LYPLAL1: variants seen among roughly 807,000 people sequenced by gnomAD.
The protein encoded by LYPLAL1 is lysophospholipase-like protein 1.
A neutral mutation model predicts 19.7 loss-of-function variants in LYPLAL1; 23 were observed. The observed-to-expected ratio is 1.17, with a 90% CI of 0.84 to 1.65. The LOEUF (loss-of-function observed/expected upper bound fraction) is 1.65, where lower values mean the gene tolerates loss of function less well. Ranked by LOEUF, LYPLAL1 falls within the 40% of genes most tolerant of loss-of-function variation. The pLI, the probability that LYPLAL1 is intolerant of heterozygous loss-of-function variation, is 0.00. For missense variants in LYPLAL1, 355 were observed against 279.4 expected, an observed-to-expected ratio of 1.27 and a Z score of -1.93; for synonymous variants, 119 against 96.3, an observed-to-expected ratio of 1.24 and a Z score of -1.38.
the LYPLAL1 span, among the ~76,000 whole-genome samples, chr1:219,230,974 T>A: frequency 6.6e-6 from 1 of 152,218 alleles, no homozygotes; most frequent in Non-Finnish European, 1.5e-5. Flanking sequence ...AAGTCATTTT[T>A]AGAGACTCTC....
intron 1 of LYPLAL1, among the ~76,000 whole-genome samples, chr1:219,174,481 C>T (rs1486825784): frequency 6.6e-6 from 1 of 152,160 alleles, no homozygotes; most frequent in Non-Finnish European, 1.5e-5. Flanking sequence ...GCCACTGTGC[C>T]ATGGCTGGAG....
the LYPLAL1 span, among the ~76,000 whole-genome samples, chr1:219,286,339 A>G: frequency 6.6e-6 from 1 of 152,354 alleles, no homozygotes; most frequent in Non-Finnish European, 1.5e-5. Flanking sequence ...GATGAATTTC[A>G]GTCCTGATTG....
chr1:219,423,988 T>C, the LYPLAL1 span, among the ~76,000 whole-genome samples: 1 of 149,922 alleles, frequency 6.7e-6, no homozygotes, highest in African/African-American at 2.4e-5. Context: ...ATAGTATATA[T>C]CACTATACAC....
the LYPLAL1 span, among the ~76,000 whole-genome samples, chr1:219,434,004 A>G: frequency 2.0e-5 from 3 of 152,324 alleles, no homozygotes; most frequent in South Asian, 4.1e-4. Context: ...CAAGTAAGAG[A>G]AAGTTTCCGA....
intron 3 of LYPLAL1, among the ~76,000 whole-genome samples, chr1:219,205,351 G>C (rs1453436713): frequency 8.3e-6 from 1 of 121,088 alleles, no homozygotes; most frequent in African/African-American, 3.0e-5. Flanking sequence ...GCGACAGAGC[G>C]AGACTCCGTC....
the LYPLAL1 span, among the ~76,000 whole-genome samples, chr1:219,380,147 A>G: frequency 6.6e-6 from 1 of 152,246 alleles, no homozygotes; most frequent in Admixed American, 6.5e-5. Context: ...ATTAAAGCCC[A>G]GAGGAGTTAA....
the LYPLAL1 span, among the ~76,000 whole-genome samples, chr1:219,315,795 T>C: frequency 3.3e-5 from 5 of 152,150 alleles, no homozygotes; most frequent in Non-Finnish European, 5.9e-5. Flanking sequence ...AGCAAAACTT[T>C]AGAAATAAGT....
At chr1:219,419,594 C>CACACACAGAGAGAG in the LYPLAL1 span, among the ~76,000 whole-genome samples, 7,705 of 99,122 alleles carry the variant, frequency 0.078, 534 homozygotes, top group Non-Finnish European at 0.1. Flanking sequence ...CACACACACA[C>CACACACAGAGAGAG]AGAGAGAGAG....
chr1:219,302,601 CAT>C, the LYPLAL1 span, among the ~76,000 whole-genome samples: 10 of 152,174 alleles, frequency 6.6e-5, no homozygotes, highest in Admixed American at 5.9e-4. Context: ...ATGGAATAAA[CAT>C]AATATTTTTC....
chr1:219,440,859 T>C, the LYPLAL1 span, among the ~76,000 whole-genome samples: 15 of 152,190 alleles, frequency 9.9e-5, no homozygotes, highest in African/African-American at 3.6e-4. Flanking sequence ...TGTATCTAAA[T>C]AGTAGTCATC....
At chr1:219,443,569 T>A in the LYPLAL1 span, among the ~76,000 whole-genome samples, 3 of 152,198 alleles carry the variant, frequency 2.0e-5, no homozygotes, top group East Asian at 5.8e-4. Flanking sequence ...GGACAATAGG[T>A]TCTTGGAAAC....
At chr1:219,257,558 G>A in the LYPLAL1 span, among the ~76,000 whole-genome samples, 6 of 151,942 alleles carry the variant, frequency 3.9e-5, no homozygotes, top group African/African-American at 7.2e-5. Context: ...CACCTGAGCC[G>A]CAAAACCAGC....
chr1:219,196,008 C>G (rs1226900211), intron 3 of LYPLAL1, among the ~76,000 whole-genome samples: 1 of 152,088 alleles, frequency 6.6e-6, no homozygotes, highest in Non-Finnish European at 1.5e-5. Flanking sequence ...AAGACATGAT[C>G]TTGTTCCTTT....
the LYPLAL1 span, among the ~76,000 whole-genome samples, chr1:219,422,678 T>G: frequency 6.6e-6 from 1 of 152,170 alleles, no homozygotes; most frequent in Middle Eastern, 3.2e-3. Context: ...AGGATCAACT[T>G]AAAATAATAT....
chr1:219,274,505 C>T, the LYPLAL1 span, among the ~76,000 whole-genome samples: 1 of 152,238 alleles, frequency 6.6e-6, no homozygotes, highest in East Asian at 1.9e-4. Flanking sequence ...CCTGCCTCAG[C>T]CTCCTGAGTA....
the LYPLAL1 span, among the ~76,000 whole-genome samples, chr1:219,408,507 G>A: frequency 6.6e-6 from 1 of 152,098 alleles, no homozygotes; most frequent in Non-Finnish European, 1.5e-5. Flanking sequence ...TGAAGCCAGA[G>A]TCATGTTTTC....
At chr1:219,434,443 C>T in the LYPLAL1 span, among the ~76,000 whole-genome samples, 1 of 152,188 alleles carries the variant, frequency 6.6e-6, no homozygotes, top group African/African-American at 2.4e-5. Flanking sequence ...CCTGAACATT[C>T]TGGGACAAGG....
At chr1:219,417,962 C>T in the LYPLAL1 span, among the ~76,000 whole-genome samples, 6 of 152,222 alleles carry the variant, frequency 3.9e-5, no homozygotes, top group African/African-American at 1.4e-4. Flanking sequence ...TCAACTGGCT[C>T]TTGGATATTC....
the LYPLAL1 span, among the ~76,000 whole-genome samples, chr1:219,444,666 G>A: frequency 2.6e-5 from 4 of 152,090 alleles, no homozygotes; most frequent in Non-Finnish European, 4.4e-5. Context: ...GCTTACGGAC[G>A]CCATAAATAT....
Sources: gnomAD v4.1 joint callset for allele counts (sites outside exome capture counted in the v4.1 genomes callset) on GRCh38, gnomAD v4.1.1 for gene constraint, MANE v1.5 for transcripts, NCBI Gene and HGNC (gene_info 2026-07-23, HGNC 2026-07-21) for gene names.